Variants in MVB12B observed in about 807,000 individuals in gnomAD.
MVB12B encodes multivesicular body subunit 12B.
In MVB12B, 16 loss-of-function variants were observed where a neutral mutation model predicts 41.6. The ratio of observed to expected loss-of-function variants is 0.38; its 90% CI spans 0.26 to 0.58. The LOEUF is 0.58. Among genes scored for constraint, MVB12B ranks in the 20% least tolerant of loss-of-function variants. The pLI, the probability that MVB12B is intolerant of heterozygous loss-of-function variation, is 0.62. For missense variants in MVB12B, 274 were observed against 380.2 expected (o/e 0.72, Z 2.32); for synonymous variants, 133 against 139.7 (o/e 0.95, Z 0.34).
At chr9:126,401,771 C>T (rs1405767531) in intron 6 of MVB12B, among the ~76,000 whole-genome samples, 3 of 152,250 alleles carry the variant, frequency 2.0e-5, no homozygotes, top group Non-Finnish European at 4.4e-5. Flanking sequence ...CCCCGCCTTC[C>T]CTCTGGACAT....
At chr9:126,490,386 C>G (rs1833707522) in intron 9 of MVB12B, among the ~76,000 whole-genome samples, 1 of 152,196 alleles carries the variant, frequency 6.6e-6, no homozygotes, top group Non-Finnish European at 1.5e-5. Flanking sequence ...ACCCGCAAGC[C>G]TTGTGAGAAC....
intron 7 of MVB12B, among the ~76,000 whole-genome samples, chr9:126,440,708 A>G (rs1205681417): frequency 6.6e-6 from 1 of 151,790 alleles, no homozygotes; most frequent in Non-Finnish European, 1.5e-5. Context: ...TTTTGTTTCA[A>G]TTATTTTAAG....
At chr9:126,396,212 T>G (rs1287728043) in intron 6 of MVB12B, 2 of 986,686 alleles carry the variant, frequency 2.0e-6, no homozygotes, top group African/African-American at 3.5e-5. Context: ...TTTTAACAAT[T>G]GTCTCCGCAA....
intron 1 of MVB12B, among the ~76,000 whole-genome samples, chr9:126,329,886 G>C (rs571220536): frequency 6.6e-6 from 1 of 151,862 alleles, no homozygotes; most frequent in Non-Finnish European, 1.5e-5. Context: ...GGCTCTCACC[G>C]AGGCCCACCC....
intron 7 of MVB12B, among the ~76,000 whole-genome samples, chr9:126,424,789 AACGGCC>A (rs538509542): frequency 5.9e-4 from 90 of 152,132 alleles, no homozygotes; most frequent in Non-Finnish European, 1.2e-3. Flanking sequence ...CCCTAATCCA[AACGGCC>A]ACGGCCACAA....
chr9:126,500,177 G>A (rs1429970029), intron 9 of MVB12B, among the ~76,000 whole-genome samples: 2 of 151,766 alleles, frequency 1.3e-5, no homozygotes, highest in African/African-American at 4.8e-5. Flanking sequence ...CCACCCCCAG[G>A]AACCCGGCCC....
intron 7 of MVB12B, among the ~76,000 whole-genome samples, chr9:126,449,237 A>G (rs1046580327): frequency 1.3e-5 from 2 of 152,134 alleles, no homozygotes; most frequent in African/African-American, 4.8e-5. Flanking sequence ...CCACACACCA[A>G]CTGGATGCGA....
chr9:126,497,759 A>C (rs2119235239), intron 9 of MVB12B, among the ~76,000 whole-genome samples: 1 of 152,324 alleles, frequency 6.6e-6, no homozygotes, highest in East Asian at 1.9e-4. Flanking sequence ...CTGGGTATGC[A>C]GCCTCTCCAA....
chr9:126,342,228 G>A (rs1316138297), intron 2 of MVB12B, among the ~76,000 whole-genome samples: 3 of 152,214 alleles, frequency 2.0e-5, no homozygotes, highest in Non-Finnish European at 2.9e-5. Flanking sequence ...GGGAGAGGAC[G>A]GGCTCAGGGG....
At chr9:126,412,937 C>T (rs556164948) in intron 6 of MVB12B, among the ~76,000 whole-genome samples, 99 of 152,270 alleles carry the variant, frequency 6.5e-4, no homozygotes, top group African/African-American at 2.2e-3. Context: ...TTCATCTATT[C>T]GTTCTGTCCT....
chr9:126,335,124 G>GA, intron 1 of MVB12B: 3 of 697,066 alleles, frequency 4.3e-6, no homozygotes, highest in Non-Finnish European at 5.8e-6. Context: ...GGAGAGCTTA[G>GA]AAAAATATTT....
chr9:126,375,825 T>C (rs1438047813), intron 2 of MVB12B, among the ~76,000 whole-genome samples: 1 of 152,222 alleles, frequency 6.6e-6, no homozygotes, highest in African/African-American at 2.4e-5. Flanking sequence ...TGTCTTTTAG[T>C]TTCTAATGTT....
rs530668531 is a variant in MVB12B, at chr9:126,422,247, C to T, written c.757+299C>T. Among the ~76,000 whole-genome samples the T allele has an allele frequency of 6.6e-5, 10 of 152,306 alleles. No homozygotes were observed. The South Asian group carries it at 1.0e-3, about 16-fold the overall frequency. ...CGCCACATTGTTCACCTGCCAGACC[C>T]GGGCAGGCTTCCCACGGGGCCTCGG... On this transcript the variant is annotated intron_variant, in intron 7 of 9. Coordinates refer to ENST00000361171, the MANE Select transcript of MVB12B (RefSeq NM_033446.3).
In MVB12B at chr9:126,481,382, G is replaced by A. The variant is rs754727348; in HGVS notation, c.771G>A (p.Val257=). The A allele has an allele frequency of 9.9e-6, 16 of 1,613,474 alleles. No individual in the cohort carries two copies. Among genetic ancestry groups the A allele is most frequent in the Non-Finnish European group, 8.5e-6 (10 of 1,179,728 alleles). ...NLYAISAMDG[V]PFMISEKFSC... ...CTTCTTTTGCAGCAATGGATGGTGT[G>A]CCTTTTATGATTTCAGAGAAGTTTT... Residue 257 remains valine (V), a synonymous_variant, in exon 8 of 10, where the codon GTG becomes GTA. Transcript: ENST00000361171.
At chr9:126,471,860 C>T (rs935775774) in intron 7 of MVB12B, among the ~76,000 whole-genome samples, 4 of 152,104 alleles carry the variant, frequency 2.6e-5, no homozygotes, top group African/African-American at 9.7e-5. Context: ...GCCAATAAGC[C>T]TCATTGTTCA....
intron 7 of MVB12B, among the ~76,000 whole-genome samples, chr9:126,429,110 A>G (rs1369274921): frequency 2.0e-5 from 3 of 152,208 alleles, no homozygotes; most frequent in African/African-American, 7.2e-5. Context: ...AAAGATATGT[A>G]TAATAATTGT....
chr9:126,363,623 C>A (rs988538365), intron 2 of MVB12B, among the ~76,000 whole-genome samples: 1 of 152,214 alleles, frequency 6.6e-6, no homozygotes, highest in Non-Finnish European at 1.5e-5. Context: ...TTTAGACTTA[C>A]AGGCAAATTC....
rs1388768216 is a variant in MVB12B, at chr9:126,327,229, G to C, written c.81+219G>C. 4.1e-6 allele frequency: 4 copies of C among 984,570 alleles called. No individual in the cohort carries two copies. The East Asian group carries it at 4.6e-4, about 112-fold the overall frequency. The allele number at this position is 984,570 out of a possible 1,614,324, so 61.0% of individuals were successfully genotyped here. A position where few individuals can be genotyped will look rare whatever the true frequency, so the allele number is the denominator to read the frequency against. On this transcript the variant is annotated intron_variant, in intron 1 of 9. Coordinates refer to ENST00000361171, the MANE Select transcript of MVB12B (RefSeq NM_033446.3). ...CCGCGGCTGCCGGTGCCCGGGCTCG[G>C]CCTGGCGGCGAGAGGCGGGAGAAGC...
intron 7 of MVB12B, among the ~76,000 whole-genome samples, chr9:126,476,164 G>A (rs1833414923): frequency 7.5e-6 from 1 of 133,442 alleles, no homozygotes; most frequent in Non-Finnish European, 1.7e-5. Flanking sequence ...CCCTCCCAGT[G>A]GCTGCTGTGC....
Sources: allele counts gnomAD v4.1 joint callset (sites outside exome capture counted in the v4.1 genomes callset), GRCh38; gene constraint gnomAD v4.1.1; transcripts MANE v1.5; gene names NCBI Gene and HGNC (gene_info 2026-07-23, HGNC 2026-07-21).